CACNB4: variants seen among roughly 807,000 people sequenced by gnomAD.
CACNB4 encodes the protein calcium voltage-gated channel auxiliary subunit beta 4.
A neutral mutation model predicts 71.2 loss-of-function variants in CACNB4; 32 were observed. The observed-to-expected ratio is 0.45, with a 90% CI of 0.34 to 0.60. The LOEUF is 0.60. Among genes scored for constraint, CACNB4 ranks in the 20% least tolerant of loss-of-function variants. The pLI is 0.01. For synonymous variants in CACNB4, 231 were observed against 236.9 expected, an observed-to-expected ratio of 0.97 and a Z score of 0.23; for missense variants, 464 against 647.9, an observed-to-expected ratio of 0.72 and a Z score of 3.08.
intron 2 of CACNB4, among the ~76,000 whole-genome samples, chr2:152,018,836 C>CACACAG (rs57206441): frequency 5.7e-5 from 8 of 141,498 alleles, no homozygotes; most frequent in African/African-American, 1.7e-4. Flanking sequence ...CACACACACA[C>CACACAG]ACAGACAAAG....
At chr2:151,885,679 G>A (rs2151461733) in intron 2 of CACNB4, among the ~76,000 whole-genome samples, 1 of 152,252 alleles carries the variant, frequency 6.6e-6, no homozygotes, top group South Asian at 2.1e-4. Flanking sequence ...ACCGCAATGT[G>A]TCCAAATCCA....
intron 2 of CACNB4, among the ~76,000 whole-genome samples, chr2:151,913,427 C>A (rs146635381): frequency 0.038 from 5,728 of 152,104 alleles, 371 homozygotes; most frequent in African/African-American, 0.13. Flanking sequence ...ACTTATGAAC[C>A]TTAGTTTGGC....
chr2:152,084,878 G>C (rs1687568120), intron 2 of CACNB4, among the ~76,000 whole-genome samples: 1 of 151,972 alleles, frequency 6.6e-6, no homozygotes, highest in Non-Finnish European at 1.5e-5. Context: ...TCCCACCTCA[G>C]CTTCCCAAAG....
chr2:152,088,203 G>T (rs1687774091), intron 2 of CACNB4, among the ~76,000 whole-genome samples: 2 of 146,546 alleles, frequency 1.4e-5, no homozygotes, highest in South Asian at 2.1e-4. Context: ...AAAAAGCAGT[G>T]ACTAAGGAAC....
chr2:152,068,353 C>T (rs1027530007), intron 2 of CACNB4, among the ~76,000 whole-genome samples: 3 of 152,178 alleles, frequency 2.0e-5, no homozygotes, highest in Non-Finnish European at 2.9e-5. Context: ...TTAAGATCTG[C>T]TGCCAGTTAA....
At chr2:152,061,552 T>C (rs796787227) in intron 2 of CACNB4, among the ~76,000 whole-genome samples, 53 of 152,192 alleles carry the variant, frequency 3.5e-4, no homozygotes, top group African/African-American at 1.3e-3. Context: ...ATTACATCAA[T>C]TTCATAGATC....
chr2:151,926,810 C>T (rs1050567934), intron 2 of CACNB4, among the ~76,000 whole-genome samples: 6 of 152,130 alleles, frequency 3.9e-5, no homozygotes, highest in African/African-American at 1.2e-4. Context: ...ACAAGTGCTC[C>T]GATGGAAGGA....
chr2:151,906,167 T>G (rs2099854766), intron 2 of CACNB4, among the ~76,000 whole-genome samples: 1 of 152,314 alleles, frequency 6.6e-6, no homozygotes, highest in East Asian at 1.9e-4. Flanking sequence ...CAGAAATTAC[T>G]CAGTTGAATT....
intron 2 of CACNB4, among the ~76,000 whole-genome samples, chr2:151,914,521 T>C (rs2099856989): frequency 6.6e-6 from 1 of 152,208 alleles, no homozygotes; most frequent in African/African-American, 2.4e-5. Context: ...GACAGAGAGA[T>C]GGTGCAATCA....
intron 2 of CACNB4, among the ~76,000 whole-genome samples, chr2:152,004,395 A>G (rs1295775505): frequency 5.3e-5 from 8 of 152,050 alleles, no homozygotes; most frequent in African/African-American, 1.9e-4. Flanking sequence ...TTTAGCATAT[A>G]TTGGTCACAC....
chr2:151,873,070 T>A (rs182519177), intron 5 of CACNB4: 1 of 152,336 alleles, frequency 6.6e-6, no homozygotes, highest in East Asian at 1.9e-4. Flanking sequence ...ATATGGCCCA[T>A]GACTGTAACA....
chr2:151,876,938 ATATT>A (rs2099846534), intron 4 of CACNB4, among the ~76,000 whole-genome samples: 2 of 146,914 alleles, frequency 1.4e-5, no homozygotes, highest in East Asian at 3.9e-4. Context: ...TATATATACT[ATATT>A]TATATAAACT....
chr2:151,862,856 C>T (rs965305772), intron 9 of CACNB4, among the ~76,000 whole-genome samples: 9 of 152,120 alleles, frequency 5.9e-5, no homozygotes, highest in Non-Finnish European at 1.0e-4. Flanking sequence ...TCTACAAGCC[C>T]GAATCTCAAG....
intron 2 of CACNB4, among the ~76,000 whole-genome samples, chr2:152,011,047 G>A (rs997611193): frequency 2.0e-5 from 3 of 152,152 alleles, no homozygotes; most frequent in African/African-American, 7.2e-5. Flanking sequence ...AAATAGGGTC[G>A]AAGAAAATCA....
At chr2:151,975,112 C>G (rs62176796) in intron 2 of CACNB4, among the ~76,000 whole-genome samples, 3,371 of 152,268 alleles carry the variant, frequency 0.022, 43 homozygotes, top group Middle Eastern at 0.031. Context: ...AGGGAAAGAA[C>G]TCTGCAAATC....
intron 11 of CACNB4, 138 bp downstream of exon 11, chr2:151,855,086 A>G (rs533023647): frequency 1.2e-4 from 61 of 519,288 alleles, no homozygotes; most frequent in African/African-American, 9.7e-4. Context: ...TAGAATCTGT[A>G]CACTGTGGAA....
At chr2:151,883,453 T>G in intron 2 of CACNB4, 83 bp from the exon 3 acceptor site, 1 of 1,444,166 alleles carries the variant, frequency 6.9e-7, no homozygotes, top group South Asian at 1.1e-5. Flanking sequence ...GGGCGAGTTC[T>G]TTTTCATTTG....
chr2:152,015,085 T>A (rs1351302420), intron 2 of CACNB4, among the ~76,000 whole-genome samples: 1 of 152,072 alleles, frequency 6.6e-6, no homozygotes, highest in African/African-American at 2.4e-5. Flanking sequence ...TTCCTCCAGC[T>A]CTAAAATTCT....
At chr2:151,861,842 C>CAAAAAAAAAAAAAAAAAAAAAAAAAAAAA (rs35080979) in intron 9 of CACNB4, 2 of 61,896 alleles carry the variant, frequency 3.2e-5, no homozygotes, top group East Asian at 5.0e-4. Context: ...GACCCTGTCT[C>CAAAAAAAAAAAAAAAAAAAAAAAAAAAAA]AAAAAAAAAA....
Sources: allele counts gnomAD v4.1 joint callset (sites outside exome capture counted in the v4.1 genomes callset), GRCh38; gene constraint gnomAD v4.1.1; transcripts MANE v1.5; gene names NCBI Gene and HGNC (gene_info 2026-07-23, HGNC 2026-07-21).